The following FAT3 variants were observed in gnomAD, a reference collection of about 807,000 sequenced individuals.
FAT3 encodes the protein protocadherin Fat 3.
Under a neutral mutation model 310.2 loss-of-function variants are expected in FAT3, and 95 were observed. The ratio of observed to expected loss-of-function variants is 0.31; its 90% CI spans 0.26 to 0.36. The LOEUF (loss-of-function observed/expected upper bound fraction) is 0.36. FAT3 is among the 10% of genes least tolerant of loss of function. The pLI, the probability that FAT3 is intolerant of heterozygous loss-of-function variation, is 1.00. For synonymous variants in FAT3, 2,314 were observed against 2,192.9 expected (o/e 1.06, Z -1.54); for missense variants, 5,408 against 5,715.6 (o/e 0.95, Z 1.74).
chr11:92,792,631 G>A lies in FAT3; in HGVS notation c.4612-136G>A. On this transcript the variant is annotated intron_variant, in intron 8 of 27. Transcript: ENST00000525166. Reference sequence around the variant, plus strand: ...ACTTCATGATACTACCATTTACTGAGCACCTACTAGAAGCCTGGAACTGGG... The same window carrying A: ...ACTTCATGATACTACCATTTACTGAACACCTACTAGAAGCCTGGAACTGGG... 4.1e-6 allele frequency: 3 copies of A among 732,922 alleles called. No homozygotes were observed. In the East Asian group the frequency reaches 7.5e-5, roughly 18 times the overall value. The allele number at this position is 732,922 out of a possible 1,614,324, so 45.4% of individuals were successfully genotyped here.
rs200565214 is a variant in FAT3 at position 92,451,954 on chromosome 11, CT to C, written c.3293-72675del. On this transcript the variant is annotated intron_variant, in intron 2 of 27. Coordinates refer to ENST00000525166, the MANE Select transcript of FAT3 (RefSeq NM_001367949.2). Reference sequence around the variant, plus strand: ...GCAATGCATGTTTTTGAGTCCTTGTCTTTTTAAAGACTTCTTCAAATAACTC... The same window carrying C: ...GCAATGCATGTTTTTGAGTCCTTGTCTTTTAAAGACTTCTTCAAATAACTC... Among the ~76,000 whole-genome samples the C allele has an allele frequency of 4.7e-3, 717 of 152,246 alleles. 4 individuals carry two copies. The highest frequency in any genetic ancestry group is 0.016 in the African/African-American group (667 of 41,548).
At position 92,798,901 on chromosome 11, in the gene FAT3, A is replaced by C. The variant is rs763413458; in HGVS notation, c.5888A>C (p.Tyr1963Ser). The C allele has an allele frequency of 6.2e-7, 1 of 1,614,014 alleles. No individual in the cohort carries two copies. The highest frequency in any genetic ancestry group is 8.5e-7 in the Non-Finnish European group (1 of 1,179,872). ...LIVKVSDGKF[Y>S]STSMVTIMVK... ...GTTAAGGTGTCTGATGGAAAGTTCT[A>C]CAGTACCTCCATGGTCACCATCATG... The change falls in exon 10 of 28, where the codon TAC (tyrosine) becomes TCC (serine). Residue 1963 changes from tyrosine (Y) to serine (S), a missense_variant. Physicochemically the swap from Tyr to Ser is moderately radical, Grantham distance 144. Around this residue, in one of 5 missense-constraint regions of FAT3, gnomAD observed 4,588 missense variants for 4,809.8 expected, o/e 0.95. Transcript: ENST00000525166.
intron 2 of FAT3, among the ~76,000 whole-genome samples, chr11:92,484,234 G>A (rs1952311423): frequency 6.6e-6 from 1 of 152,110 alleles, no homozygotes; most frequent in Non-Finnish European, 1.5e-5. Flanking sequence ...ATTCCATGGT[G>A]CTGTTTTCCT....
At chr11:92,509,159 C>T (rs1259172835) in intron 2 of FAT3, among the ~76,000 whole-genome samples, 1 of 152,082 alleles carries the variant, frequency 6.6e-6, no homozygotes, top group Non-Finnish European at 1.5e-5. Context: ...TATTATCTCT[C>T]TACATGGTAA....
At chr11:92,684,182 A>G (rs1356935007) in intron 3 of FAT3, among the ~76,000 whole-genome samples, 1 of 152,204 alleles carries the variant, frequency 6.6e-6, no homozygotes, top group Non-Finnish European at 1.5e-5. Context: ...TGGCATGTTC[A>G]TTTGACTAGT....
intron 3 of FAT3, among the ~76,000 whole-genome samples, chr11:92,560,180 G>T (rs547582081): frequency 4.3e-4 from 65 of 152,184 alleles, no homozygotes; most frequent in Admixed American, 3.5e-3. Flanking sequence ...TTGTGATTTC[G>T]ATTTACATTT....
At chr11:92,404,955 AG>A (rs1455950243) in intron 2 of FAT3, among the ~76,000 whole-genome samples, 1 of 152,028 alleles carries the variant, frequency 6.6e-6, no homozygotes, top group African/African-American at 2.4e-5. Flanking sequence ...CCTCGTTTGC[AG>A]ACCTTTGGGT....
intron 1 of FAT3, among the ~76,000 whole-genome samples, chr11:92,236,958 T>C (rs369116795): frequency 6.6e-6 from 1 of 152,220 alleles, no homozygotes; most frequent in Non-Finnish European, 1.5e-5. Flanking sequence ...CAAGGGCACA[T>C]AGGGGCTGAT....
intron 19 of FAT3, among the ~76,000 whole-genome samples, chr11:92,848,299 T>C (rs1948737528): frequency 1.3e-5 from 2 of 152,156 alleles, no homozygotes; most frequent in Non-Finnish European, 1.5e-5. Flanking sequence ...CAAACAAGCA[T>C]CGTGTCTGAA....
chr11:92,357,292 G>A (rs1948758994), intron 2 of FAT3, among the ~76,000 whole-genome samples: 1 of 152,116 alleles, frequency 6.6e-6, no homozygotes, highest in Admixed American at 6.5e-5. Flanking sequence ...CATGAACTGA[G>A]GTTCAGAGAA....
chr11:92,564,837 A>G (rs940476508), intron 3 of FAT3, among the ~76,000 whole-genome samples: 18 of 144,148 alleles, frequency 1.2e-4, no homozygotes, highest in African/African-American at 3.8e-4. Context: ...TTTGAAACCA[A>G]CGAGAACAAA....
At position 92,763,334 on chromosome 11, in the gene FAT3, GA is replaced by G. The variant is rs923218729; in HGVS notation, c.3984+1172del. ...TTATGTGTCCAGAACAGTGGGCAGA[GA>G]AAAAAAATATAGTAAAACACCAGCT... On this transcript the variant is annotated intron_variant, in intron 5 of 27. Transcript: ENST00000525166. 4.1e-4 allele frequency among the ~76,000 whole-genome samples: 63 copies of G among 151,904 alleles called. 1 individual carries two copies. The highest frequency in any genetic ancestry group is 4.1e-3 in the Admixed American group (63 of 15,252).
intron 1 of FAT3, among the ~76,000 whole-genome samples, chr11:92,327,842 T>A (rs1313528047): frequency 1.3e-5 from 2 of 152,200 alleles, no homozygotes; most frequent in Non-Finnish European, 2.9e-5. Context: ...AGTATGGTAT[T>A]CTCACTTTGG....
chr11:92,528,810 C>T (rs759739786), intron 3 of FAT3, among the ~76,000 whole-genome samples: 4 of 152,148 alleles, frequency 2.6e-5, no homozygotes, highest in Non-Finnish European at 5.9e-5. Context: ...ACCATGGAAA[C>T]CCCATAGTAC....
intron 24 of FAT3, among the ~76,000 whole-genome samples, chr11:92,884,573 GA>G (rs1360867963): frequency 6.6e-6 from 1 of 152,170 alleles, no homozygotes; most frequent in Non-Finnish European, 1.5e-5. Context: ...GAGGAAACAG[GA>G]AGTTTTCAGA....
At chr11:92,551,053 G>A (rs535129840) in intron 3 of FAT3, among the ~76,000 whole-genome samples, 1 of 152,090 alleles carries the variant, frequency 6.6e-6, no homozygotes, top group Admixed American at 6.5e-5. Flanking sequence ...ATGAGGCTGA[G>A]TCTCAGACAG....
In FAT3 at chr11:92,678,600, C is replaced by T. The variant is rs79939465; in HGVS notation, c.3608-18784C>T. On this transcript the variant is annotated intron_variant, in intron 3 of 27. Coordinates refer to ENST00000525166, the MANE Select transcript of FAT3 (RefSeq NM_001367949.2). Reference sequence around the variant, plus strand: ...GATAGCAAGAATGCTGATCTTGAGGCATTGCTATGAGACCAAACTTCTAAT... The same window carrying T: ...GATAGCAAGAATGCTGATCTTGAGGTATTGCTATGAGACCAAACTTCTAAT... Among the ~76,000 whole-genome samples the T allele has an allele frequency of 8.4e-4, 128 of 152,204 alleles. 2 individuals carry two copies. In the East Asian group the frequency reaches 0.024, roughly 28 times the overall value.
At chr11:92,517,384 A>G (rs957832927) in intron 2 of FAT3, among the ~76,000 whole-genome samples, 3 of 152,176 alleles carry the variant, frequency 2.0e-5, no homozygotes, top group Non-Finnish European at 4.4e-5. Context: ...TAGATTCCCT[A>G]TGTAATAAAT....
At chr11:92,241,572 T>A (rs1305982527) in intron 1 of FAT3, among the ~76,000 whole-genome samples, 1 of 152,078 alleles carries the variant, frequency 6.6e-6, no homozygotes, top group Non-Finnish European at 1.5e-5. Context: ...AAATTAAATT[T>A]TCTGTAATTC....
Sources: gnomAD v4.1 joint callset for allele counts (sites outside exome capture counted in the v4.1 genomes callset) on GRCh38, gnomAD v4.1.1 for gene constraint, gnomAD v4.1.1 regional missense constraint, MANE v1.5 for transcripts, NCBI Gene and HGNC (gene_info 2026-07-23, HGNC 2026-07-21) for gene names.